NARS2: variants seen among roughly 807,000 people sequenced by gnomAD.
The protein encoded by NARS2 is asparaginyl-tRNA synthetase 2, mitochondrial, also known as asparaginyl-tRNA synthetase.
In NARS2, 60 loss-of-function variants were observed where a neutral mutation model predicts 62.9. The ratio of observed to expected loss-of-function variants is 0.95; its 90% CI spans 0.77 to 1.18. NARS2 has a LOEUF of 1.18. Ranked by LOEUF, NARS2 falls within the 50% of genes most tolerant of loss-of-function variation. The pLI, the probability that NARS2 is intolerant of heterozygous loss-of-function variation, is 0.00. For synonymous variants in NARS2, 196 were observed against 200.0 expected (o/e 0.98, Z 0.17); for missense variants, 619 against 576.4 (o/e 1.07, Z -0.76).
At chr11:78,539,997 T>C (rs1053802625) in intron 5 of NARS2, among the ~76,000 whole-genome samples, 1 of 152,204 alleles carries the variant, frequency 6.6e-6, no homozygotes, top group African/African-American at 2.4e-5. Context: ...AAAATCAATA[T>C]AAAGGATGAT....
chr11:78,487,076 C>A (rs1252735952), intron 7 of NARS2, among the ~76,000 whole-genome samples: 1 of 151,992 alleles, frequency 6.6e-6, no homozygotes, highest in Admixed American at 6.6e-5. Context: ...AAAATACTAG[C>A]CAGGCATGGT....
chr11:78,530,513 G>A (rs879834865), intron 5 of NARS2, among the ~76,000 whole-genome samples: 3 of 151,846 alleles, frequency 2.0e-5, no homozygotes, highest in Admixed American at 6.6e-5. Flanking sequence ...TCACACTGTC[G>A]CCCAGGCTGA....
chr11:78,536,806 C>A (rs1389740976), intron 5 of NARS2, among the ~76,000 whole-genome samples: 1 of 152,164 alleles, frequency 6.6e-6, no homozygotes, highest in Non-Finnish European at 1.5e-5. Flanking sequence ...GGCCTTCCTA[C>A]TCACTTATAA....
Position 78,519,764 on chromosome 11 carries a change from G to T in NARS2, c.689+9078C>A, listed in dbSNP as rs111895419. Reference sequence around the variant, plus strand: ...CGCCCATGCTGGAGTGCAGTGGCACGATCTCAGCTCACTGCAACCTCCGCC... The same window carrying T: ...CGCCCATGCTGGAGTGCAGTGGCACTATCTCAGCTCACTGCAACCTCCGCC... On this transcript the variant is annotated intron_variant, in intron 6 of 13. Transcript: ENST00000281038. Among the ~76,000 whole-genome samples, 814 of 151,042 alleles carry T rather than the reference G, an allele frequency of 5.4e-3. 6 individuals carry two copies. Among genetic ancestry groups the T allele is most frequent in the African/African-American group, 0.019 (783 of 40,952 alleles).
chr11:78,551,708 G>A (rs551030748), intron 5 of NARS2, among the ~76,000 whole-genome samples: 25 of 152,004 alleles, frequency 1.6e-4, no homozygotes, highest in Admixed American at 3.3e-4. Context: ...AAAATTAGCC[G>A]GGCGTGGTGG....
At chr11:78,486,826 G>T (rs1859595436) in intron 7 of NARS2, among the ~76,000 whole-genome samples, 1 of 152,094 alleles carries the variant, frequency 6.6e-6, no homozygotes, top group African/African-American at 2.4e-5. Context: ...ACAATTTGAT[G>T]CAGGTATTAT....
Position 78,574,437 on chromosome 11 carries a change from G to C in NARS2, c.52C>G (p.Pro18Ala), listed in dbSNP as rs779612507. The C allele has an allele frequency of 1.2e-6, 2 of 1,614,174 alleles. No homozygotes were observed. The highest frequency in any genetic ancestry group is 2.2e-5 in the South Asian group (2 of 91,086). The change falls in exon 1 of 14, where the codon CCC becomes GCC. Residue 18 changes from proline (P) to alanine (A), a missense_variant. Physicochemically the swap from Pro to Ala is conservative, Grantham distance 27 (BLOSUM62 -1). Coordinates refer to ENST00000281038, the MANE Select transcript of NARS2 (RefSeq NM_024678.6). ...LRSVRFCSSA[P>A]FPKHKPSAKL... ...GCTGAAGGTTTGTGCTTGGGGAAGGGGGCGGAGGAACAGAAGCGCACGGAC... is the reference window on the plus strand; with the variant it reads ...GCTGAAGGTTTGTGCTTGGGGAAGGCGGCGGAGGAACAGAAGCGCACGGAC...
At chr11:78,566,786 T>A (rs991313601) in intron 3 of NARS2, among the ~76,000 whole-genome samples, 1 of 152,184 alleles carries the variant, frequency 6.6e-6, no homozygotes. Context: ...TAGTAAAGAT[T>A]TACAAAAAAT....
chr11:78,519,804 G>A (rs945045702), intron 6 of NARS2, among the ~76,000 whole-genome samples: 1 of 151,624 alleles, frequency 6.6e-6, no homozygotes, highest in African/African-American at 2.4e-5. Flanking sequence ...GGGTTCACGC[G>A]ATTCTCCTGC....
At chr11:78,449,866 G>A (rs981217099) in intron 11 of NARS2, among the ~76,000 whole-genome samples, 3 of 152,194 alleles carry the variant, frequency 2.0e-5, no homozygotes, top group Admixed American at 2.0e-4. Flanking sequence ...CCCTGGTTGA[G>A]AACCACTAGT....
In NARS2 at chr11:78,566,113, G is replaced by C; in HGVS notation, c.513+19C>G. On this transcript the variant is annotated intron_variant, in intron 4 of 13. Coordinates refer to ENST00000281038, the MANE Select transcript of NARS2 (RefSeq NM_024678.6). ...TTAAAACTGTTTAAAGGGTCAAGAG[G>C]GAACTTTTAGGATCTTACCTTAAAG... 1 of 1,588,524 alleles carries C rather than the reference G, an allele frequency of 6.3e-7. No individual in the cohort carries two copies. Among genetic ancestry groups the C allele is most frequent in the South Asian group, 1.1e-5 (1 of 87,082 alleles).
chr11:78,483,812 C>G (rs1791721370), intron 7 of NARS2, among the ~76,000 whole-genome samples: 2 of 152,180 alleles, frequency 1.3e-5, no homozygotes, highest in Non-Finnish European at 2.9e-5. Context: ...AATGGCCATG[C>G]TGCCCAAAGT....
chr11:78,442,670 A>G (rs1162379035), intron 12 of NARS2, among the ~76,000 whole-genome samples: 3 of 151,062 alleles, frequency 2.0e-5, no homozygotes, highest in Non-Finnish European at 4.4e-5. Flanking sequence ...AGTAGGAATC[A>G]TGGAAAACAG....
intron 5 of NARS2, among the ~76,000 whole-genome samples, chr11:78,546,040 A>G (rs1487352218): frequency 1.3e-5 from 2 of 152,162 alleles, no homozygotes; most frequent in Non-Finnish European, 2.9e-5. Context: ...ATCTTTCACA[A>G]GTCTATGGGT....
chr11:78,471,541 TTTA>T, intron 9 of NARS2, among the ~76,000 whole-genome samples: 1 of 152,242 alleles, frequency 6.6e-6, no homozygotes, highest in South Asian at 2.1e-4. Flanking sequence ...TTTTTTTTCT[TTTA>T]TTATTATACT....
intron 5 of NARS2, among the ~76,000 whole-genome samples, chr11:78,538,244 G>A (rs1199188506): frequency 6.6e-6 from 1 of 152,090 alleles, no homozygotes; most frequent in African/African-American, 2.4e-5. Flanking sequence ...TTATCCATGA[G>A]GCCTTCTTAC....
chr11:78,540,858 T>TA (rs1484152320), intron 5 of NARS2, among the ~76,000 whole-genome samples: 2 of 152,192 alleles, frequency 1.3e-5, no homozygotes, highest in Admixed American at 6.5e-5. Context: ...TAGTAAAGAA[T>TA]AAAAAAATCT....
chr11:78,515,954 C>G (rs1260175801), intron 6 of NARS2, among the ~76,000 whole-genome samples: 1 of 152,186 alleles, frequency 6.6e-6, no homozygotes, highest in Non-Finnish European at 1.5e-5. Flanking sequence ...ACTTCAACAA[C>G]TACAGAATCA....
intron 9 of NARS2, among the ~76,000 whole-genome samples, chr11:78,471,072 A>G (rs1344187786): frequency 1.3e-5 from 2 of 152,154 alleles, no homozygotes; most frequent in Non-Finnish European, 2.9e-5. Flanking sequence ...GTTTTGAAAG[A>G]CAGGTTTTTT....
Sources: allele counts gnomAD v4.1 joint callset (sites outside exome capture counted in the v4.1 genomes callset), GRCh38; gene constraint gnomAD v4.1.1; transcripts MANE v1.5; gene names NCBI Gene and HGNC (gene_info 2026-07-23, HGNC 2026-07-21).